TMPRSS3: variants seen among roughly 807,000 people sequenced by gnomAD.
TMPRSS3 encodes transmembrane serine protease 3, also known as transmembrane protease serine 3.
A neutral mutation model predicts 59.6 loss-of-function variants in TMPRSS3; 55 were observed. The ratio of observed to expected loss-of-function variants is 0.92; its 90% CI spans 0.74 to 1.16. TMPRSS3 has a LOEUF of 1.16. TMPRSS3 is among the 50% of genes most tolerant of loss of function. The probability of loss-of-function intolerance (pLI) is 0.00; values close to 1 mark genes in which losing one functional copy is unlikely to be tolerated. For missense variants in TMPRSS3, 596 were observed against 579.4 expected, an observed-to-expected ratio of 1.03 and a Z score of -0.29; for synonymous variants, 257 against 237.7, an observed-to-expected ratio of 1.08 and a Z score of -0.75.
In TMPRSS3 at chr21:42,395,393, C is replaced by G. The variant is rs149481350; in HGVS notation, c.25G>C (p.Val9Leu). Residue 9 changes from valine (V) to leucine (L), a missense_variant, in exon 2 of 13, where the codon GTT (valine) becomes CTT (leucine). Transcript: ENST00000644384. ...GATCGGAATGAGAAGGGGGCTTCAA[C>G]AGCAGGCGGATCATTTTCCCCCATG... MGENDPPA[V>L]EAPFSFRSLF... 15 of 1,614,076 alleles carry G rather than the reference C, an allele frequency of 9.3e-6. No homozygotes were observed. The African/African-American group carries it at 2.0e-4, about 22-fold the overall frequency.
Position 42,382,131 on chromosome 21 carries a change from A to G in TMPRSS3, c.886T>C (p.Tyr296His). The G allele has an allele frequency of 1.2e-6, 2 of 1,614,160 alleles. No individual in the cohort carries two copies. The highest frequency in any genetic ancestry group is 1.7e-6 in the Non-Finnish European group (2 of 1,180,028). ...LVEKIVYHSK[Y>H]KPKRLGNDIA... ...TCATTGCCCAGCCTCTTTGGCTTGT[A>G]CTTGCTGTGGTAGACAATCTTCTCC... Residue 296 changes from tyrosine to histidine, a missense_variant, in exon 9 of 13, where the codon TAC (tyrosine) becomes CAC (histidine). Transcript: ENST00000644384.
chr21:42,394,905 C>T (rs550282363), intron 2 of TMPRSS3, among the ~76,000 whole-genome samples: 6 of 152,222 alleles, frequency 3.9e-5, no homozygotes, highest in Non-Finnish European at 7.3e-5. Context: ...CCGTCATCTG[C>T]TGCTGGATTT....
rs1342829666 is a variant in TMPRSS3 at position 42,372,176 on chromosome 21, T to C, written c.*586A>G. On this transcript the variant is annotated 3_prime_UTR_variant, in exon 13 of 13. Transcript: ENST00000644384. ...ATAACTGCTTATCTCGTCAGGAATT[T>C]TGCAAGACCCCTGGAGAGAAAACCA... 1.6e-5 allele frequency: 7 copies of C among 428,722 alleles called. No homozygotes were observed. Among genetic ancestry groups the C allele is most frequent in the African/African-American group, 1.2e-4 (6 of 48,508 alleles). 26.6% of individuals were successfully genotyped at this position (428,722 alleles called of 1,614,324 possible).
chr21:42,375,236 C>G (rs1328301818), intron 12 of TMPRSS3, among the ~76,000 whole-genome samples: 2 of 145,334 alleles, frequency 1.4e-5, no homozygotes, highest in African/African-American at 2.5e-5. Context: ...CCCCCACCCC[C>G]CCACACCACC....
In TMPRSS3 at chr21:42,387,349, G is replaced by A. The variant is rs2052653230; in HGVS notation, c.446+1054C>T. ...TCAGCGGGGAAGAGAAATGCCCAAT[G>A]GGGAAGCTCTCAGCTGTGTGCAGTG... is the stretch of plus-strand genomic sequence containing the variant. On this transcript the variant is annotated intron_variant, in intron 5 of 12. Coordinates refer to ENST00000644384, the MANE Select transcript of TMPRSS3 (RefSeq NM_001256317.3). 2.7e-5 allele frequency among the ~76,000 whole-genome samples: 4 copies of A among 148,284 alleles called. No individual in the cohort carries two copies. In the South Asian group the frequency reaches 8.5e-4, roughly 32 times the overall value.
intron 8 of TMPRSS3, chr21:42,382,800 C>A: frequency 1.7e-6 from 1 of 601,880 alleles, no homozygotes; most frequent in Admixed American, 2.7e-5. Flanking sequence ...CCTCTTCTGT[C>A]TGCCCTTTCT....
rs746699404 is a variant in TMPRSS3 at position 42,383,217 on chromosome 21, G to A, written c.617-19C>T. ...CCACAGGCTATGGAGGGGAACAAAGGCTTGTGGGTCCACCCTGCAGACTTC... is the reference window on the plus strand; with the variant it reads ...CCACAGGCTATGGAGGGGAACAAAGACTTGTGGGTCCACCCTGCAGACTTC... On this transcript the variant is annotated intron_variant, in intron 7 of 12. Transcript: ENST00000644384. 1.2e-6 allele frequency: 2 copies of A among 1,613,858 alleles called. No individual in the cohort carries two copies. The highest frequency in any genetic ancestry group is 1.7e-6 in the Non-Finnish European group (2 of 1,179,920).
At position 42,372,355 on chromosome 21, in the gene TMPRSS3, T is replaced by A. The variant is rs145515753; in HGVS notation, c.*407A>T. ...CAGGCACATCATTTGAGGTCAGGGG[T>A]TTGAGAGCAGCCTGGCCAACATGGT... On this transcript the variant is annotated 3_prime_UTR_variant, in exon 13 of 13. Transcript: ENST00000644384. 1.9e-4 allele frequency: 85 copies of A among 457,840 alleles called. 1 individual carries two copies. The East Asian group carries it at 5.4e-3, about 29-fold the overall frequency. The allele number at this position is 457,840 out of a possible 1,614,324, so 28.4% of individuals were successfully genotyped here. A position where few individuals can be genotyped will look rare whatever the true frequency, so the allele number is the denominator to read the frequency against.
intron 12 of TMPRSS3, among the ~76,000 whole-genome samples, chr21:42,374,588 A>T (rs959436444): frequency 6.6e-6 from 1 of 152,128 alleles, no homozygotes; most frequent in Admixed American, 6.5e-5. Flanking sequence ...AGAAAAGTGG[A>T]GTGGGGAGTA....
At chr21:42,382,642 C>G in intron 8 of TMPRSS3, 1 of 394,504 alleles carries the variant, frequency 2.5e-6, no homozygotes, top group Non-Finnish European at 4.8e-6. Flanking sequence ...AAGAAGAGAC[C>G]CAGTACCTGG....
Position 42,383,162 on chromosome 21 carries a change from A to G in TMPRSS3, c.653T>C (p.Val218Ala), listed in dbSNP as rs1415833495. The G allele has an allele frequency of 8.1e-6, 13 of 1,614,148 alleles. No individual in the cohort carries two copies. Among genetic ancestry groups the G allele is most frequent in the Non-Finnish European group, 1.1e-5 (13 of 1,180,030 alleles). The change falls in exon 8 of 13, where the codon GTG (valine) becomes GCG (alanine). Residue 218 changes from valine (V) to alanine (A), a missense_variant. Transcript: ENST00000644384. The part of the protein sequence containing the change: ...GHRRGYSSRI[V>A]GGNMSLLSQW... Reference sequence around the variant, plus strand: ...CGAGAGCAAGGACATGTTTCCACCCACGATGCGTGAGCTGTAGCCCCTTCT... The same window carrying G: ...CGAGAGCAAGGACATGTTTCCACCCGCGATGCGTGAGCTGTAGCCCCTTCT...
In TMPRSS3 at chr21:42,372,766, GT is replaced by G. The variant is rs1171442567; in HGVS notation, c.1357del (p.Thr453ProfsTer8). On this transcript the variant is annotated frameshift_variant, in exon 13 of 13. Coordinates refer to ENST00000644384, the MANE Select transcript of TMPRSS3 (RefSeq NM_001256317.3). LOFTEE classifies it high-confidence loss of function. ...GGCTACTTGTCCCCTTCCTCTTCAGGTTTTTAGGTCTCTCTATAAATGAAAA... is the reference window on the plus strand; with the variant it reads ...GGCTACTTGTCCCCTTCCTCTTCAGGTTTTAGGTCTCTCTATAAATGAAAA... The part of the protein sequence containing the change: ...IHEQMERDLK[T>X] The G allele has an allele frequency of 3.7e-6, 6 of 1,613,956 alleles. No individual in the cohort carries two copies. In the South Asian group the frequency reaches 4.4e-5, roughly 12 times the overall value.
At chr21:42,389,115 C>T in intron 3 of TMPRSS3, 70 bp from the exon 4 acceptor site, 1 of 1,605,092 alleles carries the variant, frequency 6.2e-7, no homozygotes, top group Non-Finnish European at 8.5e-7. Context: ...AACTGTCCCC[C>T]TGCCACACAG....
intron 9 of TMPRSS3, among the ~76,000 whole-genome samples, chr21:42,380,913 A>G (rs2146432093): frequency 6.6e-6 from 1 of 152,382 alleles, no homozygotes; most frequent in Non-Finnish European, 1.5e-5. Flanking sequence ...TTGGCAAAGT[A>G]CAAGTGCTGG....
At chr21:42,374,622 G>A (rs1051089838) in intron 12 of TMPRSS3, among the ~76,000 whole-genome samples, 4 of 152,128 alleles carry the variant, frequency 2.6e-5, no homozygotes, top group Non-Finnish European at 4.4e-5. Flanking sequence ...AGGGTGCCGC[G>A]TGTCTTTTGG....
At chr21:42,379,960 C>G (rs759929788) in intron 10 of TMPRSS3, among the ~76,000 whole-genome samples, 157 bp downstream of exon 10, 1 of 152,182 alleles carries the variant, frequency 6.6e-6, no homozygotes, top group Non-Finnish European at 1.5e-5. Flanking sequence ...CCCACAGTTC[C>G]TTGGCTGACT....
intron 5 of TMPRSS3, among the ~76,000 whole-genome samples, chr21:42,387,070 T>C (rs2052646378): frequency 2.1e-5 from 3 of 145,678 alleles, no homozygotes; most frequent in African/African-American, 8.0e-5. Context: ...CGGGCTGGGG[T>C]GGAAGAGAGA....
At chr21:42,377,277 C>T (rs1419834521) in intron 10 of TMPRSS3, among the ~76,000 whole-genome samples, 1 of 152,066 alleles carries the variant, frequency 6.6e-6, no homozygotes, top group Non-Finnish European at 1.5e-5. Context: ...TTGGAGGAGC[C>T]GGAGGAGAAG....
At chr21:42,391,163 A>C (rs1230162675) in intron 2 of TMPRSS3, among the ~76,000 whole-genome samples, 1 of 152,182 alleles carries the variant, frequency 6.6e-6, no homozygotes, top group Non-Finnish European at 1.5e-5. Flanking sequence ...TAGTGCTGAG[A>C]TCTCCCAGAG....
Sources: allele counts gnomAD v4.1 joint callset (sites outside exome capture counted in the v4.1 genomes callset), GRCh38; gene constraint gnomAD v4.1.1; transcripts MANE v1.5; gene names NCBI Gene and HGNC (gene_info 2026-07-23, HGNC 2026-07-21).